LDB2: variants seen among roughly 807,000 people sequenced by gnomAD.
The protein encoded by LDB2 is LIM domain binding 2, also known as LIM domain-binding protein 2.
LDB2 carries 12 observed loss-of-function variants against 44.3 expected under a neutral mutation model. The observed-to-expected ratio is 0.27, with a 90% CI of 0.17 to 0.44. The LOEUF (loss-of-function observed/expected upper bound fraction) is 0.44, where lower values mean the gene tolerates loss of function less well. Among genes scored for constraint, LDB2 ranks in the 20% least tolerant of loss-of-function variants. The pLI, the probability that LDB2 is intolerant of heterozygous loss-of-function variation, is 1.00. For synonymous variants in LDB2, 164 were observed against 174.8 expected, an observed-to-expected ratio of 0.94 and a Z score of 0.49; for missense variants, 344 against 473.5, an observed-to-expected ratio of 0.73 and a Z score of 2.54.
intron 1 of LDB2, among the ~76,000 whole-genome samples, chr4:16,880,036 G>A (rs1719602341): frequency 6.6e-6 from 1 of 152,068 alleles, no homozygotes; most frequent in Non-Finnish European, 1.5e-5. Flanking sequence ...TGGCATCTCA[G>A]ACCTTTATTT....
chr4:16,690,627 C>A (rs1243712824), intron 2 of LDB2, among the ~76,000 whole-genome samples: 2 of 151,572 alleles, frequency 1.3e-5, no homozygotes, highest in African/African-American at 2.4e-5. Flanking sequence ...TTTTTTATAC[C>A]TGCTCTGATC....
intron 2 of LDB2, among the ~76,000 whole-genome samples, chr4:16,635,008 G>A (rs1436922030): frequency 2.0e-5 from 3 of 152,082 alleles, no homozygotes; most frequent in Non-Finnish European, 4.4e-5. Flanking sequence ...GGATGAAGCT[G>A]GAAACCATCA....
intron 2 of LDB2, among the ~76,000 whole-genome samples, chr4:16,644,889 C>G (rs1736262706): frequency 6.6e-6 from 1 of 152,158 alleles, no homozygotes; most frequent in African/African-American, 2.4e-5. Context: ...TATATTTTCC[C>G]TCTTCCACTC....
chr4:16,551,760 G>A (rs976311936), intron 5 of LDB2, among the ~76,000 whole-genome samples: 3 of 152,030 alleles, frequency 2.0e-5, no homozygotes, highest in East Asian at 1.9e-4. Context: ...CAGGTGATAC[G>A]CCTGCCTTGG....
intron 2 of LDB2, among the ~76,000 whole-genome samples, chr4:16,675,841 A>C (rs536317908): frequency 1.3e-5 from 2 of 152,186 alleles, no homozygotes; most frequent in South Asian, 4.1e-4. Context: ...AAATAAATCA[A>C]CTTCAGTGTT....
At position 16,592,686 on chromosome 4, in the gene LDB2, G is replaced by C. The variant is rs547459436; in HGVS notation, c.408+3017C>G. On this transcript the variant is annotated intron_variant, in intron 3 of 7. Coordinates refer to ENST00000304523, the MANE Select transcript of LDB2 (RefSeq NM_001290.5). ...GAAAACTGGTGGGTGCATTTCCATG[G>C]TACTTCTCTGTAGCAGTAAAAAAAT... Among the ~76,000 whole-genome samples, 8 of 151,894 alleles carry C rather than the reference G, an allele frequency of 5.3e-5. No individual in the cohort carries two copies. The East Asian group carries it at 1.5e-3, about 29-fold the overall frequency.
intron 2 of LDB2, among the ~76,000 whole-genome samples, chr4:16,651,976 G>A (rs1306604280): frequency 6.6e-6 from 1 of 152,084 alleles, no homozygotes; most frequent in Non-Finnish European, 1.5e-5. Flanking sequence ...ATTTCAGACA[G>A]GATTTCACTC....
At chr4:16,668,172 A>G (rs557097462) in intron 2 of LDB2, among the ~76,000 whole-genome samples, 93 of 150,558 alleles carry the variant, frequency 6.2e-4, no homozygotes, top group African/African-American at 2.0e-3. Context: ...ATATATATAC[A>G]TGTACTGGGT....
At chr4:16,565,480 G>A (rs1744162604) in intron 5 of LDB2, among the ~76,000 whole-genome samples, 1 of 151,698 alleles carries the variant, frequency 6.6e-6, no homozygotes, top group Non-Finnish European at 1.5e-5. Context: ...AATAAGAATA[G>A]ATATTACCTT....
intron 1 of LDB2, among the ~76,000 whole-genome samples, chr4:16,778,727 T>A (rs1772512705): frequency 6.6e-6 from 1 of 152,242 alleles, no homozygotes; most frequent in Non-Finnish European, 1.5e-5. Context: ...CCCATATGGT[T>A]TAATCATCAC....
At chr4:16,833,092 TATCTTA>T (rs773153600) in intron 1 of LDB2, among the ~76,000 whole-genome samples, 2 of 152,196 alleles carry the variant, frequency 1.3e-5, no homozygotes, top group Non-Finnish European at 2.9e-5. Flanking sequence ...AACACACTTT[TATCTTA>T]ATCTTGGGGC....
At chr4:16,710,905 A>C (rs1348572208) in intron 2 of LDB2, among the ~76,000 whole-genome samples, 5 of 152,150 alleles carry the variant, frequency 3.3e-5, no homozygotes, top group Non-Finnish European at 7.4e-5. Flanking sequence ...AAAGTACCGA[A>C]AGGCAATTGG....
chr4:16,780,816 A>C (rs1773049645), intron 1 of LDB2, among the ~76,000 whole-genome samples: 1 of 151,980 alleles, frequency 6.6e-6, no homozygotes, highest in African/African-American at 2.4e-5. Flanking sequence ...AAATTTAATG[A>C]GTACATTAAC....
intron 1 of LDB2, among the ~76,000 whole-genome samples, chr4:16,785,677 CA>C (rs1022196706): frequency 8.5e-5 from 13 of 152,150 alleles, no homozygotes; most frequent in African/African-American, 3.1e-4. Flanking sequence ...GCATGGACAA[CA>C]TATTTGCTGG....
intron 5 of LDB2, among the ~76,000 whole-genome samples, chr4:16,557,085 A>C (rs1442568170): frequency 2.0e-5 from 3 of 152,196 alleles, no homozygotes; most frequent in Non-Finnish European, 4.4e-5. Context: ...ATCTCGATAT[A>C]GGAGGACAGC....
intron 2 of LDB2, among the ~76,000 whole-genome samples, chr4:16,756,511 C>T (rs1766685538): frequency 6.6e-6 from 1 of 152,090 alleles, no homozygotes; most frequent in Non-Finnish European, 1.5e-5. Flanking sequence ...GCCAGTGGAC[C>T]ACTGTGAGTT....
rs1393324584 is a variant in LDB2, at chr4:16,884,455, A to G, written c.132+13899T>C. ...CTTCTTCTCCAGGCCTACACACACA[A>G]TCATATACACACTAACACATACACC... On this transcript the variant is annotated intron_variant, in intron 1 of 7. Transcript: ENST00000304523. 3.3e-5 allele frequency among the ~76,000 whole-genome samples: 5 copies of G among 152,090 alleles called. No individual in the cohort carries two copies. The East Asian group carries it at 9.7e-4, about 29-fold the overall frequency.
chr4:16,593,892 G>A (rs376781248), intron 3 of LDB2, among the ~76,000 whole-genome samples: 3 of 152,256 alleles, frequency 2.0e-5, no homozygotes, highest in East Asian at 1.9e-4. Context: ...GATTCTTTTC[G>A]ATCTAAAACA....
At chr4:16,681,190 CAG>C (rs758509197) in intron 2 of LDB2, among the ~76,000 whole-genome samples, 2 of 152,162 alleles carry the variant, frequency 1.3e-5, no homozygotes, top group African/African-American at 2.4e-5. Flanking sequence ...AAGAGGAAAT[CAG>C]AGAGATTTTA....
Sources: allele counts gnomAD v4.1 joint callset (sites outside exome capture counted in the v4.1 genomes callset), GRCh38; gene constraint gnomAD v4.1.1; transcripts MANE v1.5; gene names NCBI Gene and HGNC (gene_info 2026-07-23, HGNC 2026-07-21).